Variants in CEP57L1 observed in about 807,000 individuals in gnomAD.
CEP57L1 encodes the protein centrosomal protein CEP57L1.
In CEP57L1, 37 loss-of-function variants were observed where a neutral mutation model predicts 61.0. That is an observed-to-expected ratio of 0.61 (90% CI 0.47 to 0.80). CEP57L1 has a LOEUF of 0.80. Among genes scored for constraint, CEP57L1 ranks in the 30% least tolerant of loss-of-function variants. The pLI, the probability that CEP57L1 is intolerant of heterozygous loss-of-function variation, is 0.00. For synonymous variants in CEP57L1, 137 were observed against 162.3 expected, an observed-to-expected ratio of 0.84 and a Z score of 1.19; for missense variants, 422 against 524.7, an observed-to-expected ratio of 0.80 and a Z score of 1.91.
intron 1 of CEP57L1, among the ~76,000 whole-genome samples, chr6:109,139,644 C>T (rs563078709): frequency 4.6e-5 from 7 of 152,094 alleles, no homozygotes; most frequent in African/African-American, 1.7e-4. Flanking sequence ...TGCCACCACG[C>T]TCAGCCAATT....
At chr6:109,139,161 G>T (rs1771067961) in intron 1 of CEP57L1, among the ~76,000 whole-genome samples, 1 of 152,166 alleles carries the variant, frequency 6.6e-6, no homozygotes, top group Non-Finnish European at 1.5e-5. Flanking sequence ...CAACTAACAG[G>T]TAGGTAGCGT....
chr6:109,113,343 G>A (rs1026856968), intron 1 of CEP57L1, among the ~76,000 whole-genome samples: 1 of 151,860 alleles, frequency 6.6e-6, no homozygotes, highest in Non-Finnish European at 1.5e-5. Flanking sequence ...CAAAATTTTT[G>A]TGTTCATTTA....
At chr6:109,145,098 A>C (rs1771810977) in intron 1 of CEP57L1, 121 bp from the exon 2 acceptor site, 1 of 550,484 alleles carries the variant, frequency 1.8e-6, no homozygotes, top group Non-Finnish European at 3.1e-6. Context: ...AATTAAGTTC[A>C]TAAAGATACA....
At chr6:109,154,127 G>A (rs759591051) in intron 5 of CEP57L1, among the ~76,000 whole-genome samples, 178 bp downstream of exon 5, 2 of 152,186 alleles carry the variant, frequency 1.3e-5, no homozygotes, top group Non-Finnish European at 2.9e-5. Flanking sequence ...GTCACAGTAT[G>A]AATGAGCTGT....
chr6:109,134,807 T>C (rs1175722764), intron 1 of CEP57L1, among the ~76,000 whole-genome samples: 1 of 152,030 alleles, frequency 6.6e-6, no homozygotes, highest in Non-Finnish European at 1.5e-5. Flanking sequence ...TGAACTCCCA[T>C]TCACAATTGC....
intron 2 of CEP57L1, among the ~76,000 whole-genome samples, chr6:109,145,923 G>T (rs1395780720): frequency 1.3e-5 from 2 of 151,860 alleles, no homozygotes; most frequent in African/African-American, 4.8e-5. Context: ...TCTTTTCTGA[G>T]ATGCTGATAT....
chr6:109,111,541 C>G (rs1451108750), intron 1 of CEP57L1, among the ~76,000 whole-genome samples: 1 of 152,150 alleles, frequency 6.6e-6, no homozygotes, highest in Non-Finnish European at 1.5e-5. Context: ...TTGCCCTGGC[C>G]AGAACTTCCA....
At chr6:109,154,023 G>A (rs1345608430) in intron 5 of CEP57L1, 74 bp downstream of exon 5, 2 of 791,564 alleles carry the variant, frequency 2.5e-6, no homozygotes, top group East Asian at 2.6e-5. Flanking sequence ...TTATGTGAAT[G>A]TAGAGTAAAT....
intron 1 of CEP57L1, among the ~76,000 whole-genome samples, chr6:109,117,525 C>G (rs1363300967): frequency 6.6e-6 from 1 of 152,174 alleles, no homozygotes; most frequent in Non-Finnish European, 1.5e-5. Context: ...TTTTTATGGG[C>G]ACCAAATCTG....
chr6:109,108,616 GC>G (rs774067380), intron 1 of CEP57L1, among the ~76,000 whole-genome samples: 11 of 151,854 alleles, frequency 7.2e-5, no homozygotes, highest in Non-Finnish European at 1.3e-4. Flanking sequence ...GATTTTTTTG[GC>G]CTTTATTAAT....
At chr6:109,156,103 C>T (rs1773190904) in intron 7 of CEP57L1, 1 of 332,872 alleles carries the variant, frequency 3.0e-6, no homozygotes, top group African/African-American at 2.2e-5. Flanking sequence ...AAATTTAGCT[C>T]TGAGTTTGCT....
At chr6:109,150,331 G>A (rs1772472672) in intron 4 of CEP57L1, 92 bp downstream of exon 4, 1 of 1,491,290 alleles carries the variant, frequency 6.7e-7, no homozygotes, top group Non-Finnish European at 9.2e-7. Flanking sequence ...GGCAAAGGTG[G>A]CATAATGTTA....
intron 10 of CEP57L1, 107 bp from the exon 11 acceptor site, chr6:109,162,642 G>T: frequency 1.4e-6 from 1 of 719,016 alleles, no homozygotes; most frequent in Non-Finnish European, 2.3e-6. Flanking sequence ...ATTTTTTAAT[G>T]TTCAATTTTA....
At chr6:109,106,870 G>A (rs949243989) in intron 1 of CEP57L1, among the ~76,000 whole-genome samples, 14 of 152,146 alleles carry the variant, frequency 9.2e-5, no homozygotes, top group African/African-American at 3.4e-4. Flanking sequence ...AACTCAGGAG[G>A]TAAAGGTTGC....
Position 109,162,895 on chromosome 6 carries a change from C to G in CEP57L1, c.1308C>G (p.Asn436Lys), listed in dbSNP as rs766211155. 1.2e-6 allele frequency: 2 copies of G among 1,613,146 alleles called. No individual in the cohort carries two copies. Among genetic ancestry groups the G allele is most frequent in the South Asian group, 2.2e-5 (2 of 91,060 alleles). ...CTGACACTAACCTTTTTCAGAAAAA[C>G]AGCAGCTTTCATCCAATACGAGTTC... ...CLTDTNLFQK[N>K]SSFHPIRVHN... Residue 436 changes from asparagine (N) to lysine (K), a missense_variant, in exon 11 of 11, where the codon AAC becomes AAG. Coordinates refer to ENST00000517392, the MANE Select transcript of CEP57L1 (RefSeq NM_001271852.3).
chr6:109,150,360 G>T, intron 4 of CEP57L1, 121 bp downstream of exon 4: 1 of 1,164,344 alleles, frequency 8.6e-7, no homozygotes, highest in Non-Finnish European at 1.2e-6. Context: ...TCTAACTTAC[G>T]TGTAATTGGA....
At chr6:109,127,133 T>G (rs1773647186) in intron 1 of CEP57L1, among the ~76,000 whole-genome samples, 2 of 152,102 alleles carry the variant, frequency 1.3e-5, no homozygotes, top group South Asian at 4.1e-4. Flanking sequence ...GCCACTGCAC[T>G]CCAGCCTGGC....
At chr6:109,097,961 A>G (rs1274486800) in intron 1 of CEP57L1, among the ~76,000 whole-genome samples, 2 of 152,250 alleles carry the variant, frequency 1.3e-5, no homozygotes, top group African/African-American at 4.8e-5. Context: ...CTGGAGCACA[A>G]TGAGTACAAA....
chr6:109,154,089 C>T, intron 5 of CEP57L1, 140 bp downstream of exon 5: 1 of 573,122 alleles, frequency 1.7e-6, no homozygotes, highest in Non-Finnish European at 3.1e-6. Flanking sequence ...TGAATTCTCA[C>T]CTATAGAGTG....
Sources: allele counts gnomAD v4.1 joint callset (sites outside exome capture counted in the v4.1 genomes callset), GRCh38; gene constraint gnomAD v4.1.1; transcripts MANE v1.5; gene names NCBI Gene and HGNC (gene_info 2026-07-23, HGNC 2026-07-21).